Variants in KDM2A observed in about 807,000 individuals in gnomAD.
KDM2A encodes the protein lysine-specific demethylase 2A.
KDM2A carries 3 observed loss-of-function variants against 137.3 expected under a neutral mutation model. The ratio of observed to expected loss-of-function variants is 0.02; its 90% CI spans 0.01 to 0.06. KDM2A has a LOEUF of 0.06. Ranked by LOEUF, KDM2A falls within the 10% of genes least tolerant of loss-of-function variation. KDM2A has a pLI of 1.00. For missense variants in KDM2A, 738 were observed against 1,510.6 expected (o/e 0.49, Z 8.48); for synonymous variants, 512 against 541.5 (o/e 0.95, Z 0.76).
intron 10 of KDM2A, among the ~76,000 whole-genome samples, chr11:67,221,412 TAATG>T (rs1470443319): frequency 6.6e-6 from 1 of 152,214 alleles, no homozygotes; most frequent in Non-Finnish European, 1.5e-5. Flanking sequence ...AAATAACAAT[TAATG>T]AAGAATTCAC....
rs1044644581 is a variant in KDM2A, at chr11:67,168,949, T to C, written c.43-11130T>C. ...TGCAAAGATTCAGATTTAATCCATGTAGTTTTTTTTTTTTTTTTTTTTTTG... is the reference window on the plus strand; with the variant it reads ...TGCAAAGATTCAGATTTAATCCATGCAGTTTTTTTTTTTTTTTTTTTTTTG... On this transcript the variant is annotated intron_variant, in intron 2 of 20. Transcript: ENST00000529006. Among the ~76,000 whole-genome samples, 14 of 130,646 alleles carry C rather than the reference T, an allele frequency of 1.1e-4. No individual in the cohort carries two copies. The East Asian group carries it at 2.3e-3, about 21-fold the overall frequency. 85.7% of individuals were successfully genotyped at this position (130,646 alleles called of 152,430 possible).
chr11:67,215,723 G>A (rs937017310), intron 7 of KDM2A, 133 bp from the exon 8 acceptor site: 1 of 741,516 alleles, frequency 1.3e-6, no homozygotes. Flanking sequence ...AAAATGCATT[G>A]CTTTTTCTCC....
intron 2 of KDM2A, among the ~76,000 whole-genome samples, chr11:67,163,461 A>G (rs946636498): frequency 2.0e-5 from 3 of 152,206 alleles, no homozygotes; most frequent in Admixed American, 6.6e-5. Flanking sequence ...ATTTAATGCC[A>G]TTGGAGAAGA....
At chr11:67,189,612 G>A (rs1044167313) in intron 5 of KDM2A, among the ~76,000 whole-genome samples, 3 of 152,108 alleles carry the variant, frequency 2.0e-5, no homozygotes, top group Non-Finnish European at 4.4e-5. Flanking sequence ...GGCTGAGGCC[G>A]GTGGATCACC....
intron 12 of KDM2A, chr11:67,240,019 C>A: frequency 7.7e-7 from 1 of 1,295,244 alleles, no homozygotes; most frequent in South Asian, 2.4e-5. Flanking sequence ...CGCTCACTCT[C>A]GCTCGGCTCC....
intron 2 of KDM2A, among the ~76,000 whole-genome samples, chr11:67,152,331 C>T (rs1856410953): frequency 6.7e-6 from 1 of 150,358 alleles, no homozygotes; most frequent in African/African-American, 2.4e-5. Flanking sequence ...ATTAATTTCC[C>T]TGGGTTGGGT....
At chr11:67,248,419 A>G (rs377664120) in intron 16 of KDM2A, 49 bp downstream of exon 16, 1 of 1,270,956 alleles carries the variant, frequency 7.9e-7, no homozygotes, top group South Asian at 1.3e-5. Context: ...GAGGCATCAA[A>G]TGTGGGGGAT....
At chr11:67,128,865 G>A (rs1452669324) in intron 2 of KDM2A, among the ~76,000 whole-genome samples, 1 of 152,228 alleles carries the variant, frequency 6.6e-6, no homozygotes, top group Non-Finnish European at 1.5e-5. Flanking sequence ...ATTGTTGAAA[G>A]CCTGGATATA....
At chr11:67,160,145 G>A (rs572889908) in intron 2 of KDM2A, among the ~76,000 whole-genome samples, 4 of 152,100 alleles carry the variant, frequency 2.6e-5, no homozygotes, top group Non-Finnish European at 5.9e-5. Flanking sequence ...GACTAATTGG[G>A]AGAAAAACTC....
At chr11:67,147,158 G>T (rs768048800) in intron 2 of KDM2A, among the ~76,000 whole-genome samples, 1 of 152,092 alleles carries the variant, frequency 6.6e-6, no homozygotes, top group Non-Finnish European at 1.5e-5. Flanking sequence ...TGACAGTTTG[G>T]TGTAAGAGAA....
At chr11:67,240,696 C>T (rs929092884) in intron 12 of KDM2A, among the ~76,000 whole-genome samples, 1 of 152,152 alleles carries the variant, frequency 6.6e-6, no homozygotes, top group Admixed American at 6.5e-5. Context: ...CAGCCTTTCC[C>T]GCACTCCACC....
chr11:67,147,726 G>T (rs558002157), intron 2 of KDM2A, among the ~76,000 whole-genome samples: 25 of 150,864 alleles, frequency 1.7e-4, no homozygotes, highest in African/African-American at 6.1e-4. Context: ...CGCCTGAGCT[G>T]GAGTGCAGTG....
chr11:67,181,965 T>A, intron 5 of KDM2A, 73 bp downstream of exon 5: 10 of 1,282,450 alleles, frequency 7.8e-6, no homozygotes, highest in Non-Finnish European at 1.1e-5. Flanking sequence ...AATCTCTGAC[T>A]GAGATTTAAG....
intron 2 of KDM2A, among the ~76,000 whole-genome samples, chr11:67,122,039 T>C (rs1370702489): frequency 6.6e-6 from 1 of 152,132 alleles, no homozygotes; most frequent in African/African-American, 2.4e-5. Context: ...CCTATTGGAG[T>C]TTTAAGAATT....
chr11:67,206,822 C>T (rs535778116), intron 5 of KDM2A, among the ~76,000 whole-genome samples: 2 of 152,300 alleles, frequency 1.3e-5, no homozygotes, highest in African/African-American at 4.8e-5. Context: ...ACTCTTGTGG[C>T]CTTATGCGTT....
chr11:67,153,991 A>G (rs1856459689), intron 2 of KDM2A, among the ~76,000 whole-genome samples: 1 of 152,208 alleles, frequency 6.6e-6, no homozygotes, highest in Admixed American at 6.5e-5. Flanking sequence ...TGCCTCTCCT[A>G]AGAATAAGAA....
chr11:67,163,025 T>TAA (rs1357079560), intron 2 of KDM2A, among the ~76,000 whole-genome samples: 26 of 152,346 alleles, frequency 1.7e-4, no homozygotes, highest in Admixed American at 3.3e-4. Context: ...TTCTTTTTCT[T>TAA]AAAGTTAGGA....
chr11:67,158,768 C>T (rs1856575155), intron 2 of KDM2A, among the ~76,000 whole-genome samples: 1 of 152,092 alleles, frequency 6.6e-6, no homozygotes, highest in South Asian at 2.1e-4. Flanking sequence ...GTATTATAGG[C>T]GTGAACCACC....
intron 2 of KDM2A, among the ~76,000 whole-genome samples, chr11:67,175,709 G>A (rs1856961811): frequency 1.3e-5 from 2 of 152,160 alleles, no homozygotes. Flanking sequence ...ACTTTCTCCT[G>A]AGTGAAGAAG....
Sources: allele counts gnomAD v4.1 joint callset (sites outside exome capture counted in the v4.1 genomes callset), GRCh38; gene constraint gnomAD v4.1.1; transcripts MANE v1.5; gene names NCBI Gene and HGNC (gene_info 2026-07-23, HGNC 2026-07-21).